C3orf49: variants seen among roughly 807,000 people sequenced by gnomAD.
C3orf49 encodes the protein putative uncharacterized protein C3orf49.
Under a neutral mutation model 13.3 loss-of-function variants are expected in C3orf49, and 27 were observed. The observed-to-expected ratio is 2.02, with a 90% CI of 1.49 to 2.79. The LOEUF is 2.79. Ranked by LOEUF, C3orf49 falls within the 30% of genes most tolerant of loss-of-function variation. C3orf49 has a pLI of 0.00. For missense variants in C3orf49, 242 were observed against 134.2 expected (o/e 1.80, Z -3.97); for synonymous variants, 87 against 47.6 (o/e 1.83, Z -3.40).
intron 1 of C3orf49, among the ~76,000 whole-genome samples, chr3:63,821,843 G>A (rs1701398572): frequency 6.6e-6 from 1 of 152,076 alleles, no homozygotes; most frequent in Non-Finnish European, 1.5e-5. Context: ...GAGGGATCCT[G>A]GTGTTACTGG....
chr3:63,783,506 T>TCC, the C3orf49 span, among the ~76,000 whole-genome samples: 1 of 144,486 alleles, frequency 6.9e-6, no homozygotes, highest in African/African-American at 2.6e-5. Context: ...TACAGTGAAA[T>TCC]CCCGTCTCTA....
At chr3:63,788,173 G>T in the C3orf49 span, among the ~76,000 whole-genome samples, 1 of 152,170 alleles carries the variant, frequency 6.6e-6, no homozygotes, top group Non-Finnish European at 1.5e-5. Context: ...CCTGTGCTCA[G>T]GTTGTTCCTT....
chr3:63,815,943 G>A (rs1701319661), upstream of C3orf49, among the ~76,000 whole-genome samples: 1 of 151,060 alleles, frequency 6.6e-6, no homozygotes, highest in South Asian at 2.1e-4. Flanking sequence ...GTGCCACCAT[G>A]CCCAGCTAAT....
the C3orf49 span, among the ~76,000 whole-genome samples, chr3:63,813,150 A>AC: frequency 6.6e-6 from 1 of 152,308 alleles, no homozygotes; most frequent in African/African-American, 2.4e-5. Context: ...TGCATGAAGC[A>AC]CCATTCATTT....
At chr3:63,820,560 T>G (rs1047182652) in intron 1 of C3orf49, among the ~76,000 whole-genome samples, 2 of 152,148 alleles carry the variant, frequency 1.3e-5, no homozygotes, top group Non-Finnish European at 1.5e-5. Context: ...GAACTGGGCT[T>G]TTAACATGGG....
the C3orf49 span, among the ~76,000 whole-genome samples, chr3:63,780,732 G>A: frequency 5.9e-5 from 9 of 152,064 alleles, no homozygotes; most frequent in East Asian, 1.9e-4. Flanking sequence ...CATTTCTCTG[G>A]TGGCCAGTGA....
chr3:63,812,319 G>A, the C3orf49 span, among the ~76,000 whole-genome samples: 3 of 152,116 alleles, frequency 2.0e-5, no homozygotes, highest in Non-Finnish European at 2.9e-5. Flanking sequence ...ATCTCATAAT[G>A]TTTTAAGAAA....
At chr3:63,835,378 A>G (rs1248737613) in intron 5 of C3orf49, 1 of 1,613,424 alleles carries the variant, frequency 6.2e-7, no homozygotes, top group Non-Finnish European at 8.5e-7. Flanking sequence ...CTTTTCCCAG[A>G]GCCTCTAGTT....
the C3orf49 span, among the ~76,000 whole-genome samples, chr3:63,795,940 G>A: frequency 1.6e-3 from 237 of 152,170 alleles, 1 homozygote; most frequent in African/African-American, 5.5e-3. Flanking sequence ...AACTGCCAAC[G>A]TGTTTAGGGG....
At chr3:63,791,576 G>A in the C3orf49 span, among the ~76,000 whole-genome samples, 4 of 152,148 alleles carry the variant, frequency 2.6e-5, no homozygotes, top group Non-Finnish European at 4.4e-5. Flanking sequence ...AAATACTGAT[G>A]CCTGGGCCCA....
intron 5 of C3orf49, among the ~76,000 whole-genome samples, chr3:63,843,112 ATTTGTTTG>A (rs767250587): frequency 2.7e-5 from 4 of 149,194 alleles, no homozygotes; most frequent in Admixed American, 1.3e-4. Context: ...CCGTATGTAT[ATTTGTTTG>A]TTTGTTTGTT....
At chr3:63,802,516 A>G in the C3orf49 span, among the ~76,000 whole-genome samples, 1 of 152,206 alleles carries the variant, frequency 6.6e-6, no homozygotes, top group Non-Finnish European at 1.5e-5. Context: ...TGCATAATTG[A>G]ACTACTTCTA....
chr3:63,805,974 T>C, the C3orf49 span, among the ~76,000 whole-genome samples: 1 of 152,184 alleles, frequency 6.6e-6, no homozygotes, highest in African/African-American at 2.4e-5. Context: ...AAAAAATATG[T>C]GTAGCAGCTG....
the C3orf49 span, among the ~76,000 whole-genome samples, chr3:63,785,059 C>CTTTTTTTTTTTTTT: frequency 1.5e-4 from 17 of 116,266 alleles, no homozygotes; most frequent in Middle Eastern, 4.8e-3. Context: ...GACTTCTCTT[C>CTTTTTTTTTTTTTT]TTCTTCTTTT....
chr3:63,845,360 G>C (rs1264317895), intron 6 of C3orf49, among the ~76,000 whole-genome samples: 3 of 152,132 alleles, frequency 2.0e-5, no homozygotes, highest in African/African-American at 7.2e-5. Context: ...CTCCCACTCT[G>C]GTGATATCTC....
intron 5 of C3orf49, chr3:63,836,247 T>A: frequency 6.5e-7 from 1 of 1,547,202 alleles, no homozygotes; most frequent in Non-Finnish European, 8.8e-7. Flanking sequence ...ACGGTAGTTT[T>A]CGAGCATTTA....
chr3:63,843,027 A>G (rs1439557012), intron 5 of C3orf49, among the ~76,000 whole-genome samples: 4 of 151,822 alleles, frequency 2.6e-5, no homozygotes, highest in Non-Finnish European at 5.9e-5. Context: ...AACTCAAGTG[A>G]TCCACATGCC....
At chr3:63,831,934 C>A in intron 5 of C3orf49, 90 bp downstream of exon 5, 1 of 615,704 alleles carries the variant, frequency 1.6e-6, no homozygotes, top group Non-Finnish European at 2.9e-6. Context: ...GTGGCTCACG[C>A]CTGTAATCTC....
intron 5 of C3orf49, chr3:63,838,586 T>G: frequency 7.8e-7 from 1 of 1,277,086 alleles, no homozygotes; most frequent in Non-Finnish European, 1.1e-6. Context: ...ATTTGCTAAT[T>G]AAATTATAGC....
Sources: gnomAD v4.1 joint callset for allele counts (sites outside exome capture counted in the v4.1 genomes callset) on GRCh38, gnomAD v4.1.1 for gene constraint, MANE v1.5 for transcripts, NCBI Gene and HGNC (gene_info 2026-07-23, HGNC 2026-07-21) for gene names.